The following CUL5 variants were observed in gnomAD, a reference collection of about 807,000 sequenced individuals.
CUL5 encodes cullin 5, also known as cullin-5.
CUL5 carries 26 observed loss-of-function variants against 108.8 expected under a neutral mutation model. The ratio of observed to expected loss-of-function variants is 0.24; its 90% CI spans 0.18 to 0.33. The LOEUF is 0.33. Among genes scored for constraint, CUL5 ranks in the 10% least tolerant of loss-of-function variants. CUL5 has a pLI of 1.00. For synonymous variants in CUL5, 334 were observed against 298.0 expected, an observed-to-expected ratio of 1.12 and a Z score of -1.25; for missense variants, 524 against 909.2, an observed-to-expected ratio of 0.58 and a Z score of 5.45.
chr11:108,018,021 T>C (rs1862245135), intron 1 of CUL5, among the ~76,000 whole-genome samples: 1 of 152,240 alleles, frequency 6.6e-6, no homozygotes, highest in Non-Finnish European at 1.5e-5. Context: ...CTTAAAAGTC[T>C]GGTTATTCCA....
At chr11:108,025,294 T>G (rs1439727753) in intron 1 of CUL5, among the ~76,000 whole-genome samples, 1 of 152,196 alleles carries the variant, frequency 6.6e-6, no homozygotes. Flanking sequence ...ATTTTTTTTG[T>G]CTTGGTGATA....
intron 7 of CUL5, among the ~76,000 whole-genome samples, chr11:108,069,550 A>C (rs746018900): frequency 2.2e-4 from 34 of 151,616 alleles, no homozygotes; most frequent in Non-Finnish European, 4.6e-4. Context: ...GTTTTTTTTT[A>C]TTTTGTGTGT....
rs1864776765 is a variant in CUL5, at chr11:108,105,533, T to G, written c.*1149T>G. On this transcript the variant is annotated 3_prime_UTR_variant, in exon 19 of 19. Coordinates refer to ENST00000393094, the MANE Select transcript of CUL5 (RefSeq NM_003478.6). ...TGCCAAATATATGTACATATATATT[T>G]ATATATTTTAAAAATAAACATTTTT... 6.6e-6 allele frequency: 1 copy of G among 152,384 alleles called. No individual in the cohort carries two copies. Among genetic ancestry groups the G allele is most frequent in the Admixed American group, 6.6e-5 (1 of 15,256 alleles). The allele number at this position is 152,384 out of a possible 1,614,324, so 9.4% of individuals were successfully genotyped here.
At chr11:108,075,995 C>G (rs896206569) in intron 10 of CUL5, among the ~76,000 whole-genome samples, 7 of 152,028 alleles carry the variant, frequency 4.6e-5, no homozygotes, top group Non-Finnish European at 7.4e-5. Context: ...TAGCATGAAT[C>G]CAATATACAG....
chr11:108,012,502 TTGG>T (rs918575434), intron 1 of CUL5, among the ~76,000 whole-genome samples: 41 of 148,882 alleles, frequency 2.8e-4, no homozygotes, highest in African/African-American at 9.4e-4. Context: ...CCCCCAGGAC[TTGG>T]TGGTATGTCC....
intron 7 of CUL5, among the ~76,000 whole-genome samples, chr11:108,064,418 G>A (rs948474135): frequency 2.0e-5 from 3 of 152,018 alleles, no homozygotes; most frequent in Non-Finnish European, 4.4e-5. Flanking sequence ...GGTAAATTTG[G>A]TTTGCTAGTC....
intron 11 of CUL5, among the ~76,000 whole-genome samples, chr11:108,082,066 T>A (rs1864100997): frequency 6.6e-6 from 1 of 152,332 alleles, no homozygotes; most frequent in South Asian, 2.1e-4. Context: ...ATTATGAAAA[T>A]GGAATTTCTT....
At chr11:108,089,986 G>A (rs1864310945) in intron 13 of CUL5, among the ~76,000 whole-genome samples, 1 of 151,484 alleles carries the variant, frequency 6.6e-6, no homozygotes, top group African/African-American at 2.4e-5. Flanking sequence ...GTTGCAGTGA[G>A]CCAAGATCGT....
chr11:108,087,183 T>C (rs1042431214), intron 11 of CUL5, among the ~76,000 whole-genome samples: 2 of 152,154 alleles, frequency 1.3e-5, no homozygotes, highest in African/African-American at 4.8e-5. Flanking sequence ...GGCAAAGACA[T>C]ACATTTATAC....
At chr11:108,085,714 T>C (rs1864204257) in intron 11 of CUL5, among the ~76,000 whole-genome samples, 1 of 152,184 alleles carries the variant, frequency 6.6e-6, no homozygotes, top group Non-Finnish European at 1.5e-5. Flanking sequence ...TATTGTATGA[T>C]AACATTTATC....
chr11:108,052,723 G>A lies in CUL5; in HGVS notation c.475G>A (p.Ala159Thr). ...CATAAAAAACAGACTCCAAGATAGTGCAATGAAGCTGGTACATGCTGAGAG... is the reference window on the plus strand; with the variant it reads ...CATAAAAAACAGACTCCAAGATAGTACAATGAAGCTGGTACATGCTGAGAG... The part of the protein sequence containing the change: ...SNIKNRLQDS[A>T]MKLVHAERLG... The change falls in exon 5 of 19, where the codon GCA (alanine) becomes ACA (threonine). Residue 159 changes from alanine (A) to threonine (T), a missense_variant. Ala to Thr is a moderately conservative substitution (Grantham distance 58). Transcript: ENST00000393094. The A allele has an allele frequency of 6.2e-7, 1 of 1,613,434 alleles. No homozygotes were observed. The highest frequency in any genetic ancestry group is 8.5e-7 in the Non-Finnish European group (1 of 1,179,436).
rs117203985 is a variant in CUL5, at chr11:108,097,881, C to G, written c.2024+127C>G. 4 of 565,650 alleles carry G rather than the reference C, an allele frequency of 7.1e-6. No individual in the cohort carries two copies. The East Asian group carries it at 1.1e-4, about 16-fold the overall frequency. 35.0% of individuals were successfully genotyped at this position (565,650 alleles called of 1,614,324 possible). A position where few individuals can be genotyped will look rare whatever the true frequency, so the allele number is the denominator to read the frequency against. ...ATATACTGTCATCACTCTAAACTTA[C>G]ATCATTTAGTTGTTTATGGAAAATA... On this transcript the variant is annotated intron_variant, in intron 17 of 18. Transcript: ENST00000393094.
At chr11:108,043,147 A>G (rs1862975175) in intron 2 of CUL5, among the ~76,000 whole-genome samples, 1 of 152,212 alleles carries the variant, frequency 6.6e-6, no homozygotes, top group Non-Finnish European at 1.5e-5. Flanking sequence ...ATTGTAGCTC[A>G]TTGTAACCCT....
At chr11:108,087,106 T>G (rs1211277549) in intron 11 of CUL5, among the ~76,000 whole-genome samples, 1 of 152,170 alleles carries the variant, frequency 6.6e-6, no homozygotes, top group Non-Finnish European at 1.5e-5. Context: ...TTCAAATAAT[T>G]GAATGATATA....
Position 108,107,700 on chromosome 11 carries a change from T to C in CUL5, c.*3316T>C, listed in dbSNP as rs1864833768. On this transcript the variant is annotated 3_prime_UTR_variant, in exon 19 of 19. Transcript: ENST00000393094. Reference sequence around the variant, plus strand: ...AATATTTTGATGAACTGCTTAATTTTTGGATTTTATTTTTTAAGTTGTATA... The same window carrying C: ...AATATTTTGATGAACTGCTTAATTTCTGGATTTTATTTTTTAAGTTGTATA... 1 of 152,640 alleles carries C rather than the reference T, an allele frequency of 6.6e-6. No individual in the cohort carries two copies. Among genetic ancestry groups the C allele is most frequent in the African/African-American group, 2.4e-5 (1 of 41,458 alleles). 9.5% of individuals were successfully genotyped at this position (152,640 alleles called of 1,614,324 possible). A position where few individuals can be genotyped will look rare whatever the true frequency, so the allele number is the denominator to read the frequency against.
At chr11:108,028,221 G>C (rs942114327) in intron 1 of CUL5, among the ~76,000 whole-genome samples, 1 of 152,274 alleles carries the variant, frequency 6.6e-6, no homozygotes, top group South Asian at 2.1e-4. Flanking sequence ...TCTAAAACCA[G>C]TCTCACAAGC....
intron 2 of CUL5, among the ~76,000 whole-genome samples, chr11:108,038,936 G>A (rs1862817759): frequency 6.6e-6 from 1 of 151,602 alleles, no homozygotes; most frequent in East Asian, 1.9e-4. Flanking sequence ...TTTCTCTATT[G>A]AAGTACTCTT....
At chr11:108,066,241 G>A (rs1863673831) in intron 7 of CUL5, among the ~76,000 whole-genome samples, 2 of 152,112 alleles carry the variant, frequency 1.3e-5, no homozygotes, top group Non-Finnish European at 2.9e-5. Context: ...TACTCAGGAG[G>A]CTGAGGCGGG....
intron 17 of CUL5, 66 bp from the exon 18 acceptor site, chr11:108,098,340 T>C: frequency 7.2e-7 from 1 of 1,384,064 alleles, no homozygotes; most frequent in Non-Finnish European, 9.9e-7. Context: ...TCTCAGACAT[T>C]GTTGCTATAA....
Sources: allele counts gnomAD v4.1 joint callset (sites outside exome capture counted in the v4.1 genomes callset), GRCh38; gene constraint gnomAD v4.1.1; transcripts MANE v1.5; gene names NCBI Gene and HGNC (gene_info 2026-07-23, HGNC 2026-07-21).